The following ARID1B variants were observed in gnomAD, a reference collection of about 807,000 sequenced individuals.
ARID1B encodes AT-rich interaction domain 1B.
In ARID1B, 30 loss-of-function variants were observed where a neutral mutation model predicts 212.3. The observed-to-expected ratio is 0.14, with a 90% confidence interval of 0.11 to 0.19. The LOEUF (loss-of-function observed/expected upper bound fraction) is 0.19. Among genes scored for constraint, ARID1B ranks in the 10% least tolerant of loss-of-function variants. ARID1B has a pLI of 1.00. For synonymous variants in ARID1B, 1,402 were observed against 1,301.7 expected (o/e 1.08, Z -1.66); for missense variants, 2,891 against 3,204.0 (o/e 0.90, Z 2.36).
intron 3 of ARID1B, among the ~76,000 whole-genome samples, chr6:156,913,733 C>T (rs140142730): frequency 6.7e-6 from 1 of 149,044 alleles, no homozygotes; most frequent in African/African-American, 2.5e-5. Flanking sequence ...CTATCCACTT[C>T]CCAACTCCCA....
chr6:157,133,313 T>C (rs985038114), intron 7 of ARID1B, 106 bp downstream of exon 7: 18 of 1,280,344 alleles, frequency 1.4e-5, no homozygotes, highest in Non-Finnish European at 1.8e-5. Flanking sequence ...TAAGATCCAT[T>C]ATCTGTTACC....
In ARID1B at chr6:157,201,501, A is replaced by G. The variant is rs964485523; in HGVS notation, c.5263+13A>G. The G allele has an allele frequency of 6.7e-7, 1 of 1,494,922 alleles. No homozygotes were observed. Among genetic ancestry groups the G allele is most frequent in the Admixed American group, 2.4e-5 (1 of 41,608 alleles). The allele number at this position is 1,494,922 out of a possible 1,614,324, so 92.6% of individuals were successfully genotyped here. On this transcript the variant is annotated intron_variant, in intron 18 of 19. Coordinates refer to ENST00000636930, the MANE Select transcript of ARID1B (RefSeq NM_001374828.1). The surrounding 1 kb of genome is among the most constrained non-coding windows in gnomAD (Gnocchi z 5.2). ...TCCAAAGATATCGGTAAGAATTCCA[A>G]AGCTTTCATTCTGAAATGAATTCCA...
At chr6:157,155,161 G>A (rs1790495663) in intron 8 of ARID1B, among the ~76,000 whole-genome samples, 1 of 152,116 alleles carries the variant, frequency 6.6e-6, no homozygotes, top group Non-Finnish European at 1.5e-5. Context: ...CCAGAGCCAA[G>A]CGCTTTGTGA....
chr6:157,028,737 T>C (rs963467499), intron 4 of ARID1B, among the ~76,000 whole-genome samples: 1 of 152,110 alleles, frequency 6.6e-6, no homozygotes, highest in Admixed American at 6.5e-5. Context: ...CTCAAGAAAA[T>C]TATTTATGGA....
At chr6:157,171,767 A>G (rs1791728661) in intron 9 of ARID1B, among the ~76,000 whole-genome samples, 1 of 152,222 alleles carries the variant, frequency 6.6e-6, no homozygotes, top group Non-Finnish European at 1.5e-5. Context: ...TTTCAGACCA[A>G]CAATGTGTTT....
At chr6:157,135,514 C>A (rs1244870790) in intron 7 of ARID1B, among the ~76,000 whole-genome samples, 1 of 152,216 alleles carries the variant, frequency 6.6e-6, no homozygotes, top group Non-Finnish European at 1.5e-5. Context: ...GCACCCTTTT[C>A]TCCTCTCCTG....
chr6:157,009,239 G>A (rs1205733304), intron 4 of ARID1B, among the ~76,000 whole-genome samples: 1 of 152,220 alleles, frequency 6.6e-6, no homozygotes, highest in Non-Finnish European at 1.5e-5. Context: ...GTAGTTCTGT[G>A]TTGAGTAAAA....
chr6:156,872,430 T>TC (rs1786206939), intron 2 of ARID1B, among the ~76,000 whole-genome samples: 1 of 152,210 alleles, frequency 6.6e-6, no homozygotes, highest in Non-Finnish European at 1.5e-5. Context: ...CAAGTGATTC[T>TC]CCTGCCTCAG....
At chr6:157,194,016 A>G (rs936111119) in intron 15 of ARID1B, 1 of 152,236 alleles carries the variant, frequency 6.6e-6, no homozygotes, top group Non-Finnish European at 1.5e-5. Flanking sequence ...TCATTTTAAC[A>G]TTGGCCAATC....
chr6:156,782,594 A>G (rs1779356250), intron 1 of ARID1B, among the ~76,000 whole-genome samples: 1 of 152,170 alleles, frequency 6.6e-6, no homozygotes, highest in South Asian at 2.1e-4. Flanking sequence ...CATTAGAAGA[A>G]AAGTGATTAG....
In ARID1B at chr6:157,208,785, T is replaced by C. The variant is rs1794638411; in HGVS notation, c.*894T>C. 1 of 221,958 alleles carries C rather than the reference T, an allele frequency of 4.5e-6. No individual in the cohort carries two copies. The highest frequency in any genetic ancestry group is 8.9e-6 in the Non-Finnish European group (1 of 112,874). The allele number at this position is 221,958 out of a possible 1,614,324, so 13.7% of individuals were successfully genotyped here. A position where few individuals can be genotyped will look rare whatever the true frequency, so the allele number is the denominator to read the frequency against. ...TGATGTGGTAACTACGAAGTGATGG[T>C]AGATTTAAATAATTTTTTATTTTTA... On this transcript the variant is annotated 3_prime_UTR_variant, in exon 20 of 20. Transcript: ENST00000636930.
rs1562404383 is a variant in ARID1B, at chr6:156,813,033, T to TATATATACACATACGTATGTATATAC, written c.1792-16187_1792-16186insCACATACGTATGTATATACATATATA. Among the ~76,000 whole-genome samples the TATATATACACATACGTATGTATATAC allele has an allele frequency of 1.9e-3, 97 of 52,132 alleles. 3 individuals are homozygous for TATATATACACATACGTATGTATATAC. In the East Asian group the frequency reaches 0.037, roughly 20 times the overall value. 34.2% of individuals were successfully genotyped at this position (52,132 alleles called of 152,430 possible). ...ATATACACATACGTATGTATATACA[T>TATATATACACATACGTATGTATATAC]ATATATATACACATACGTATGTATA... On this transcript the variant is annotated intron_variant, in intron 1 of 19. Transcript: ENST00000636930.
chr6:157,135,426 C>T (rs541959484), intron 7 of ARID1B, among the ~76,000 whole-genome samples: 20 of 152,208 alleles, frequency 1.3e-4, no homozygotes, highest in African/African-American at 4.6e-4. Flanking sequence ...ATAGTAGAAA[C>T]GATCTGAAAT....
rs1562347875 is a variant in ARID1B at position 157,202,649 on chromosome 6, T to C, written c.5263+1161T>C. ...CTTCAGCAGTGACTGTGCCACTGTA[T>C]ACACACACACACACACACATATTCC... On this transcript the variant is annotated intron_variant, in intron 18 of 19. Transcript: ENST00000636930. Among the ~76,000 whole-genome samples, 3 of 150,138 alleles carry C rather than the reference T, an allele frequency of 2.0e-5. No individual in the cohort carries two copies. The East Asian group carries it at 5.8e-4, about 29-fold the overall frequency.
intron 1 of ARID1B, among the ~76,000 whole-genome samples, chr6:156,801,387 G>A (rs1378559257): frequency 6.6e-6 from 1 of 151,640 alleles, no homozygotes; most frequent in East Asian, 1.9e-4. Flanking sequence ...TTTTAGTAGG[G>A]ACGGGGTTTC....
chr6:156,916,740 C>G (rs1324316693), intron 3 of ARID1B, among the ~76,000 whole-genome samples: 1 of 152,148 alleles, frequency 6.6e-6, no homozygotes, highest in Non-Finnish European at 1.5e-5. Flanking sequence ...TACCTTTAGA[C>G]TCAGAATCGT....
At chr6:156,821,053 T>C (rs976575383) in intron 1 of ARID1B, among the ~76,000 whole-genome samples, 2 of 152,236 alleles carry the variant, frequency 1.3e-5, no homozygotes, top group African/African-American at 4.8e-5. Context: ...ATTTCATTGA[T>C]GGTTGATGTC....
chr6:157,125,771 C>G (rs181478910), intron 6 of ARID1B, among the ~76,000 whole-genome samples: 7 of 152,300 alleles, frequency 4.6e-5, no homozygotes, highest in African/African-American at 1.7e-4. Context: ...GTAGATGTTG[C>G]CTGTGCTTGG....
At chr6:156,991,218 C>G (rs893502220) in intron 4 of ARID1B, among the ~76,000 whole-genome samples, 7 of 152,032 alleles carry the variant, frequency 4.6e-5, no homozygotes, top group African/African-American at 1.4e-4. Flanking sequence ...GGATGCATTT[C>G]TTTCTTTTTT....
Sources: allele counts gnomAD v4.1 joint callset (sites outside exome capture counted in the v4.1 genomes callset), GRCh38; gene constraint gnomAD v4.1.1; non-coding constraint Gnocchi (gnomAD v3.1); transcripts MANE v1.5; gene names NCBI Gene and HGNC (gene_info 2026-07-23, HGNC 2026-07-21).